CACNB4: variants seen among roughly 807,000 people sequenced by gnomAD.
CACNB4 encodes the protein voltage-dependent L-type calcium channel subunit beta-4.
A neutral mutation model predicts 71.2 loss-of-function variants in CACNB4; 32 were observed. That is an observed-to-expected ratio of 0.45 (90% CI 0.34 to 0.60). CACNB4 has a LOEUF of 0.60. CACNB4 is among the 20% of genes least tolerant of loss of function. The probability of loss-of-function intolerance (pLI) is 0.01; values close to 1 mark genes in which losing one functional copy is unlikely to be tolerated. For synonymous variants in CACNB4, 231 were observed against 236.9 expected, an observed-to-expected ratio of 0.97 and a Z score of 0.23; for missense variants, 464 against 647.9, an observed-to-expected ratio of 0.72 and a Z score of 3.08.
At position 152,009,440 on chromosome 2, in the gene CACNB4, A is replaced by G. The variant is rs141139642; in HGVS notation, c.147+88890T>C. Among the ~76,000 whole-genome samples the G allele has an allele frequency of 6.9e-3, 1,058 of 152,342 alleles. 6 individuals carry two copies. The highest frequency in any genetic ancestry group is 0.013 in the Non-Finnish European group (853 of 68,034). ...GAACAAAGAATGGACTTATTTCATA[A>G]GAACATATCAATATCAGTTTACCGA... On this transcript the variant is annotated intron_variant, in intron 2 of 13. Transcript: ENST00000539935.
rs1579216970 is a variant in CACNB4, at chr2:152,058,196, C to T, written c.147+40134G>A. 9.9e-5 allele frequency among the ~76,000 whole-genome samples: 15 copies of T among 152,280 alleles called. No individual in the cohort carries two copies. In the South Asian group the frequency reaches 3.1e-3, roughly 32 times the overall value. The stretch of plus-strand genomic sequence containing the variant: ...ACTGTGAGTCAATTAAACCTCTATC[C>T]TTTATAAATTACCCAGTCTCAAGTA... On this transcript the variant is annotated intron_variant, in intron 2 of 13. Coordinates refer to ENST00000539935, the MANE Select transcript of CACNB4 (RefSeq NM_000726.5).
At chr2:152,035,378 T>C (rs540419108) in intron 2 of CACNB4, among the ~76,000 whole-genome samples, 13 of 152,262 alleles carry the variant, frequency 8.5e-5, no homozygotes, top group Admixed American at 1.3e-4. Flanking sequence ...TTGGCCAACA[T>C]GGAGAAACCC....
chr2:151,889,694 G>T (rs1298742880), intron 2 of CACNB4, among the ~76,000 whole-genome samples: 2 of 152,104 alleles, frequency 1.3e-5, no homozygotes, highest in African/African-American at 4.8e-5. Flanking sequence ...TTGTCATTAG[G>T]CTATCTTTAT....
intron 2 of CACNB4, among the ~76,000 whole-genome samples, chr2:151,983,804 C>G (rs1009662920): frequency 1.3e-5 from 2 of 151,630 alleles, no homozygotes; most frequent in African/African-American, 4.8e-5. Flanking sequence ...TTTAAAATAG[C>G]AAGATCCAAA....
At chr2:152,088,407 T>A (rs1040849657) in intron 2 of CACNB4, among the ~76,000 whole-genome samples, 2 of 152,132 alleles carry the variant, frequency 1.3e-5, no homozygotes, top group African/African-American at 4.8e-5. Flanking sequence ...GCTAAAAAAA[T>A]TTTCCATAAG....
At chr2:151,953,586 CA>C (rs2099867471) in intron 2 of CACNB4, among the ~76,000 whole-genome samples, 1 of 152,182 alleles carries the variant, frequency 6.6e-6, no homozygotes, top group South Asian at 2.1e-4. Flanking sequence ...GTGTGGAGCA[CA>C]ATTGTCCAAA....
intron 2 of CACNB4, among the ~76,000 whole-genome samples, chr2:152,025,705 G>C (rs1683925202): frequency 6.6e-6 from 1 of 152,206 alleles, no homozygotes; most frequent in Admixed American, 6.5e-5. Context: ...AGATGCCACT[G>C]TTTCAGTCAT....
intron 2 of CACNB4, among the ~76,000 whole-genome samples, chr2:151,924,486 A>T (rs1482714563): frequency 6.6e-6 from 1 of 151,242 alleles, no homozygotes; most frequent in Non-Finnish European, 1.5e-5. Flanking sequence ...ATATGGAGGG[A>T]TCTTCTTACC....
At chr2:151,870,955 C>G in intron 6 of CACNB4, 94 bp from the exon 7 acceptor site, 1 of 902,158 alleles carries the variant, frequency 1.1e-6, no homozygotes, top group Non-Finnish European at 1.7e-6. Context: ...CCCATTTGTC[C>G]CTGTAATTAT....
chr2:151,913,452 T>C (rs1450059308), intron 2 of CACNB4, among the ~76,000 whole-genome samples: 1 of 152,172 alleles, frequency 6.6e-6, no homozygotes, highest in Non-Finnish European at 1.5e-5. Flanking sequence ...TATGAAATTC[T>C]GGGTTGAAAA....
chr2:152,021,735 GGAACTAGACACT>G (rs1376784647), intron 2 of CACNB4, among the ~76,000 whole-genome samples: 1 of 152,110 alleles, frequency 6.6e-6, no homozygotes, highest in Non-Finnish European at 1.5e-5. Context: ...CAACTCACAA[GGAACTAGACACT>G]GAATCTTAAA....
At chr2:151,973,447 G>C in intron 2 of CACNB4, 1 of 569,640 alleles carries the variant, frequency 1.8e-6, no homozygotes, top group Non-Finnish European at 3.1e-6. Flanking sequence ...TGAATGCTTT[G>C]CCATCACCCT....
At chr2:151,915,924 G>A (rs1043808760) in intron 2 of CACNB4, among the ~76,000 whole-genome samples, 3 of 90,512 alleles carry the variant, frequency 3.3e-5, no homozygotes, top group Non-Finnish European at 6.5e-5. Flanking sequence ...GCTTGGGTTC[G>A]TGAGTGGAAA....
At chr2:152,065,602 T>C (rs1295794553) in intron 2 of CACNB4, among the ~76,000 whole-genome samples, 1 of 152,244 alleles carries the variant, frequency 6.6e-6, no homozygotes, top group African/African-American at 2.4e-5. Flanking sequence ...CTCTTGGCTA[T>C]AGTGTTTAAC....
At chr2:152,001,919 C>T (rs73013221) in intron 2 of CACNB4, among the ~76,000 whole-genome samples, 1,788 of 152,168 alleles carry the variant, frequency 0.012, 38 homozygotes, top group African/African-American at 0.041. Context: ...CAGGGAGGTG[C>T]GGGAGAGGTA....
At chr2:152,061,020 A>G (rs1419837346) in intron 2 of CACNB4, among the ~76,000 whole-genome samples, 3 of 152,234 alleles carry the variant, frequency 2.0e-5, no homozygotes, top group Non-Finnish European at 4.4e-5. Context: ...AAAAATATTT[A>G]AAACTGGCTG....
At chr2:151,886,981 G>T (rs2099849511) in intron 2 of CACNB4, among the ~76,000 whole-genome samples, 1 of 152,166 alleles carries the variant, frequency 6.6e-6, no homozygotes, top group Non-Finnish European at 1.5e-5. Context: ...ACCACTGGAA[G>T]TATCCAGGAA....
intron 2 of CACNB4, among the ~76,000 whole-genome samples, chr2:151,885,239 G>C (rs1333868635): frequency 6.6e-6 from 1 of 152,218 alleles, no homozygotes; most frequent in Non-Finnish European, 1.5e-5. Context: ...CAGTCTTCTT[G>C]TCTATTAAAG....
intron 2 of CACNB4, among the ~76,000 whole-genome samples, chr2:151,976,831 G>A (rs534684110): frequency 6.6e-6 from 1 of 152,290 alleles, no homozygotes; most frequent in Admixed American, 6.5e-5. Flanking sequence ...AGCTTCCCGA[G>A]CCTGTTTCAG....
Sources: gnomAD v4.1 joint callset for allele counts (sites outside exome capture counted in the v4.1 genomes callset) on GRCh38, gnomAD v4.1.1 for gene constraint, MANE v1.5 for transcripts, NCBI Gene and HGNC (gene_info 2026-07-23, HGNC 2026-07-21) for gene names.